The following SHROOM2 variants were observed in gnomAD, a reference collection of about 807,000 sequenced individuals.
SHROOM2 encodes protein Shroom2.
A neutral mutation model predicts 75.9 loss-of-function variants in SHROOM2; 33 were observed. The observed-to-expected ratio is 0.43, with a 90% CI of 0.33 to 0.58. The LOEUF (loss-of-function observed/expected upper bound fraction) is 0.58, where lower values mean the gene tolerates loss of function less well. Among genes scored for constraint, SHROOM2 ranks in the 20% least tolerant of loss-of-function variants. The pLI is 0.04. For synonymous variants in SHROOM2, 655 were observed against 663.6 expected (o/e 0.99, Z 0.20); for missense variants, 1,434 against 1,461.2 (o/e 0.98, Z 0.30).
intron 5 of SHROOM2, among the ~76,000 whole-genome samples, chrX:9,927,819 T>C (rs1454008087): frequency 9.0e-6 from 1 of 110,554 alleles, no homozygotes; most frequent in African/African-American, 3.3e-5. Flanking sequence ...ATGGGATGAT[T>C]TGAGAGAGTC....
intron 1 of SHROOM2, among the ~76,000 whole-genome samples, chrX:9,827,461 T>G (rs2083894018): frequency 9.3e-6 from 1 of 107,923 alleles, no homozygotes; most frequent in African/African-American, 3.4e-5. Flanking sequence ...GAACATTGAG[T>G]CCCCCCGGCC....
intron 9 of SHROOM2, 30 bp downstream of exon 9, chrX:9,944,943 G>T: frequency 1.7e-6 from 2 of 1,167,446 alleles, no homozygotes; most frequent in Non-Finnish European, 2.3e-6. Context: ...ACTTGGAAAT[G>T]GGGGGTGGTC....
chrX:9,946,588 C>T (rs2084821077), intron 9 of SHROOM2, 83 bp from the exon 10 acceptor site: 1 of 959,727 alleles, frequency 1.0e-6, no homozygotes, highest in Non-Finnish European at 1.4e-6. Context: ...GGGACCAGCC[C>T]ACAAGTTGCC....
At chrX:9,798,980 C>T (rs1015484590) in intron 1 of SHROOM2, among the ~76,000 whole-genome samples, 6 of 110,083 alleles carry the variant, frequency 5.5e-5, no homozygotes, top group Admixed American at 2.9e-4. Flanking sequence ...GGGTTTGGGA[C>T]GGAGCCATTT....
chrX:9,841,922 T>A (rs185887097), intron 1 of SHROOM2, among the ~76,000 whole-genome samples: 1 of 111,208 alleles, frequency 9.0e-6, no homozygotes, highest in East Asian at 2.8e-4. Flanking sequence ...TAGCTAGGTG[T>A]GGTAGTACAT....
In SHROOM2 at chrX:9,898,237, C is replaced by A; in HGVS notation, c.2838C>A (p.Pro946=). 8.4e-7 allele frequency: 1 copy of A among 1,188,569 alleles called. No individual in the cohort carries two copies. The change falls in exon 5 of 10, where the codon CCC becomes CCA. Residue 946 remains proline (P), a synonymous_variant. Transcript: ENST00000380913. ...LRRQAGDPGE[P]REELPSAVRA... ...GGCAGGCAGGGGACCCCGGCGAGCC[C>A]AGAGAAGAGCTTCCCTCCGCAGTCC...
chrX:9,834,945 GA>G (rs1282145914), intron 1 of SHROOM2, among the ~76,000 whole-genome samples: 1 of 112,709 alleles, frequency 8.9e-6, no homozygotes, highest in Non-Finnish European at 1.9e-5. Context: ...CCACTGTGCA[GA>G]AACAGGTGGC....
At chrX:9,914,894 G>C (rs951357742) in intron 5 of SHROOM2, among the ~76,000 whole-genome samples, 2 of 111,657 alleles carry the variant, frequency 1.8e-5, no homozygotes, top group African/African-American at 3.3e-5. Context: ...ACTGGCCCAA[G>C]AATTCCTAGT....
At position 9,829,466 on chromosome X, in the gene SHROOM2, A is replaced by G. The variant is rs2083904644; in HGVS notation, c.165+42756A>G. ...GCTGACCCCAGAGGTTTGTGGTGAC[A>G]AGGACCAGAGCCATCCTTTGGAGGT... On this transcript the variant is annotated intron_variant, in intron 1 of 9. Coordinates refer to ENST00000380913, the MANE Select transcript of SHROOM2 (RefSeq NM_001649.4). Among the ~76,000 whole-genome samples, 3 of 111,983 alleles carry G rather than the reference A, an allele frequency of 2.7e-5. No homozygotes were observed. In the Admixed American group the frequency reaches 2.8e-4, roughly 11 times the overall value.
intron 1 of SHROOM2, among the ~76,000 whole-genome samples, chrX:9,811,982 T>C (rs2083793930): frequency 8.9e-6 from 1 of 111,760 alleles, no homozygotes; most frequent in Non-Finnish European, 1.9e-5. Context: ...GATGGAATGC[T>C]GCTGTGCACA....
At chrX:9,819,234 C>A in intron 1 of SHROOM2, 1 of 866,166 alleles carries the variant, frequency 1.2e-6, no homozygotes, top group East Asian at 3.1e-5. Flanking sequence ...TTTAATGAGT[C>A]CATCCAATAT....
At chrX:9,944,198 A>G (rs973535329) in intron 8 of SHROOM2, among the ~76,000 whole-genome samples, 2 of 112,280 alleles carry the variant, frequency 1.8e-5, no homozygotes, top group African/African-American at 6.5e-5. Context: ...TAGTGACAAT[A>G]ATTATATGTA....
At chrX:9,851,145 A>G (rs772531829) in intron 1 of SHROOM2, among the ~76,000 whole-genome samples, 1 of 111,483 alleles carries the variant, frequency 9.0e-6, no homozygotes, top group African/African-American at 3.3e-5. Context: ...TGTAGCTGGG[A>G]CTGCAGGCAC....
chrX:9,803,377 G>T (rs2083734842), intron 1 of SHROOM2, among the ~76,000 whole-genome samples: 1 of 111,438 alleles, frequency 9.0e-6, no homozygotes, highest in Admixed American at 9.5e-5. Flanking sequence ...AAAGATTTTA[G>T]ATTTTTTTTT....
intron 1 of SHROOM2, among the ~76,000 whole-genome samples, chrX:9,854,703 T>TC (rs1267720556): frequency 8.2e-5 from 9 of 109,947 alleles, no homozygotes; most frequent in African/African-American, 3.1e-4. Flanking sequence ...GAATCACAGC[T>TC]TGGGGGGCAG....
chrX:9,865,923 G>A (rs1455676417), intron 1 of SHROOM2, among the ~76,000 whole-genome samples: 3 of 109,251 alleles, frequency 2.7e-5, no homozygotes, highest in Non-Finnish European at 1.9e-5. Flanking sequence ...ACAGCCTGGC[G>A]GACCTCTGGG....
chrX:9,848,747 A>C (rs1332107454), intron 1 of SHROOM2, among the ~76,000 whole-genome samples: 1 of 110,389 alleles, frequency 9.1e-6, no homozygotes, highest in Non-Finnish European at 1.9e-5. Flanking sequence ...TAGCTTCCCG[A>C]ATCAGTTTAT....
intron 1 of SHROOM2, among the ~76,000 whole-genome samples, chrX:9,862,506 G>A (rs1050072766): frequency 6.3e-5 from 7 of 110,948 alleles, no homozygotes; most frequent in Non-Finnish European, 1.3e-4. Context: ...TCGGTGGAAA[G>A]CCACCGAGGA....
At chrX:9,815,554 C>CTATCCTATATCTA (rs1421948509) in intron 1 of SHROOM2, among the ~76,000 whole-genome samples, 4 of 68,041 alleles carry the variant, frequency 5.9e-5, no homozygotes, top group Admixed American at 2.0e-4. Context: ...TATCCTATAT[C>CTATCCTATATCTA]TATCCTATAT....
Sources: gnomAD v4.1 joint callset for allele counts (sites outside exome capture counted in the v4.1 genomes callset) on GRCh38, gnomAD v4.1.1 for gene constraint, MANE v1.5 for transcripts, NCBI Gene and HGNC (gene_info 2026-07-23, HGNC 2026-07-21) for gene names.